CORO2B: variants seen among roughly 807,000 people sequenced by gnomAD.
CORO2B encodes coronin 2B.
Under a neutral mutation model 58.8 loss-of-function variants are expected in CORO2B, and 26 were observed. That is an observed-to-expected ratio of 0.44 (90% CI 0.32 to 0.61). The LOEUF is 0.61. CORO2B is among the 20% of genes least tolerant of loss of function. CORO2B has a pLI of 0.04. For synonymous variants in CORO2B, 242 were observed against 253.8 expected (o/e 0.95, Z 0.44); for missense variants, 460 against 645.1 (o/e 0.71, Z 3.11).
intron 2 of CORO2B, among the ~76,000 whole-genome samples, chr15:68,661,392 T>C (rs1442886378): frequency 6.6e-6 from 1 of 152,208 alleles, no homozygotes; most frequent in African/African-American, 2.4e-5. Context: ...TGGCCAGAGA[T>C]ATTGTCCAAT....
At chr15:68,723,908 C>T (rs550973508) in intron 11 of CORO2B, among the ~76,000 whole-genome samples, 34 of 152,102 alleles carry the variant, frequency 2.2e-4, no homozygotes, top group African/African-American at 7.0e-4. Flanking sequence ...GACTCTATCC[C>T]TAAAAAATAA....
chr15:68,557,138 T>C, the CORO2B span, among the ~76,000 whole-genome samples: 1 of 152,164 alleles, frequency 6.6e-6, no homozygotes, highest in Non-Finnish European at 1.5e-5. Flanking sequence ...CAGGAGGCCA[T>C]GGGAATACAC....
Position 68,710,682 on chromosome 15 carries a change from G to A in CORO2B, c.334-50G>A. The A allele has an allele frequency of 6.6e-7, 1 of 1,504,440 alleles. No homozygotes were observed. Among genetic ancestry groups the A allele is most frequent in the South Asian group, 1.4e-5 (1 of 73,934 alleles). 93.2% of individuals were successfully genotyped at this position (1,504,440 alleles called of 1,614,324 possible). On this transcript the variant is annotated intron_variant, in intron 3 of 11. Coordinates refer to ENST00000261861, the MANE Select transcript of CORO2B (RefSeq NM_006091.5). The surrounding 1 kb of genome is among the most constrained non-coding windows in gnomAD (Gnocchi z 4.1). ...GAGGAAAGGGGCACCTCTCATCAAG[G>A]GACTTCTTGGCCGTGTCCACCCAGC...
Position 68,645,271 on chromosome 15 carries a change from A to C in CORO2B, c.127A>C (p.Asn43His), listed in dbSNP as rs763171277. Residue 43 changes from asparagine (N) to histidine (H), a missense_variant, in exon 2 of 12, where the codon AAC becomes CAC. By Grantham distance (68) the Asn-to-His change is moderately conservative. Transcript: ENST00000261861. This position sits in a 1 kb window ranked among gnomAD's most constrained non-coding sequence, Gnocchi z 4.5. ...CCCCATCACCAAGAATGTGCACGAC[A>C]ACCACTTCTGTGCCGTCAACACCCG... ...GIPITKNVHD[N>H]HFCAVNTRFL... 6.2e-7 allele frequency: 1 copy of C among 1,614,094 alleles called. No individual in the cohort carries two copies. The highest frequency in any genetic ancestry group is 8.5e-7 in the Non-Finnish European group (1 of 1,179,998).
chr15:68,630,148 A>G (rs1478847760), intron 1 of CORO2B, among the ~76,000 whole-genome samples: 3 of 152,192 alleles, frequency 2.0e-5, no homozygotes, highest in Non-Finnish European at 2.9e-5. Flanking sequence ...CTTCTGTAGC[A>G]ATGACAGCAT....
intron 3 of CORO2B, among the ~76,000 whole-genome samples, chr15:68,708,525 T>C (rs1892837213): frequency 6.6e-6 from 1 of 151,832 alleles, no homozygotes; most frequent in South Asian, 2.1e-4. Context: ...TACGCCTGGC[T>C]AATTTTTTTG....
At chr15:68,580,678 G>A (rs1899405994) in intron 1 of CORO2B, among the ~76,000 whole-genome samples, 1 of 152,134 alleles carries the variant, frequency 6.6e-6, no homozygotes, top group Admixed American at 6.5e-5. Flanking sequence ...TTGAAATGAT[G>A]CAAATGCTAT....
chr15:68,717,311 C>CAAAA (rs78726358), intron 8 of CORO2B, among the ~76,000 whole-genome samples: 2 of 112,628 alleles, frequency 1.8e-5, no homozygotes, highest in African/African-American at 6.3e-5. Flanking sequence ...CAGACTCTGT[C>CAAAA]AAAAAAAAAA....
rs942055851 is a variant in CORO2B, at chr15:68,590,974, A to T, written c.15+11697A>T. Among the ~76,000 whole-genome samples the T allele has an allele frequency of 1.7e-4, 26 of 152,242 alleles. No individual in the cohort carries two copies. In the South Asian group the frequency reaches 2.3e-3, roughly 13 times the overall value. ...ATAAAACGAGGACTGAGATTTATTTAAAAAAAATTTGCTGAGCCCTGTGTG... is the reference window on the plus strand; with the variant it reads ...ATAAAACGAGGACTGAGATTTATTTTAAAAAAATTTGCTGAGCCCTGTGTG... On this transcript the variant is annotated intron_variant, in intron 1 of 11. Transcript: ENST00000261861.
At position 68,714,673 on chromosome 15, in the gene CORO2B, G is replaced by A. The variant is rs1383227350; in HGVS notation, c.870+10G>A. ...CTACCTGGCTGGAAAGGTAGTAGGA[G>A]GTGGGGGAGGGCCCGGGGCAGCCTG... is the stretch of plus-strand genomic sequence containing the variant. On this transcript the variant is annotated intron_variant, in intron 7 of 11. Coordinates refer to ENST00000261861, the MANE Select transcript of CORO2B (RefSeq NM_006091.5). The A allele has an allele frequency of 2.5e-6, 4 of 1,606,124 alleles. No individual in the cohort carries two copies. In the South Asian group the frequency reaches 4.4e-5, roughly 18 times the overall value.
Position 68,725,931 on chromosome 15 carries a change from A to C in CORO2B, c.1400A>C (p.Gln467Pro), listed in dbSNP as rs1003732450. 6.2e-7 allele frequency: 1 copy of C among 1,614,098 alleles called. No homozygotes were observed. The highest frequency in any genetic ancestry group is 8.5e-7 in the Non-Finnish European group (1 of 1,180,032). ...AQKDIRIRQL[Q>P]LELKNLRNSP... is the part of the protein sequence containing the mutation. ...AAGGACATCCGCATTCGGCAGCTCC[A>C]GCTGGAACTGAAAAACTTGCGCAAC... The change falls in exon 12 of 12, where the codon CAG becomes CCG. Residue 467 changes from glutamine (Q) to proline (P), a missense_variant. Physicochemically the swap from Gln to Pro is moderately conservative, Grantham distance 76. Transcript: ENST00000261861.
At chr15:68,648,896 A>G (rs1238027440) in intron 2 of CORO2B, among the ~76,000 whole-genome samples, 2 of 152,242 alleles carry the variant, frequency 1.3e-5, no homozygotes, top group Non-Finnish European at 2.9e-5. Flanking sequence ...TGACCTAGCA[A>G]TTCCACTCTA....
chr15:68,697,673 C>A (rs1892546493), intron 3 of CORO2B, among the ~76,000 whole-genome samples: 1 of 152,184 alleles, frequency 6.6e-6, no homozygotes, highest in South Asian at 2.1e-4. Context: ...AGCCCAGAAC[C>A]AAATTAGGGA....
intron 1 of CORO2B, among the ~76,000 whole-genome samples, chr15:68,609,558 G>A (rs577645442): frequency 1.3e-4 from 20 of 152,258 alleles, no homozygotes; most frequent in South Asian, 4.1e-4. Flanking sequence ...CTTCCCTCCC[G>A]AATCCACATC....
intron 1 of CORO2B, among the ~76,000 whole-genome samples, chr15:68,585,293 A>C (rs1216491632): frequency 1.3e-5 from 2 of 152,230 alleles, no homozygotes; most frequent in Non-Finnish European, 2.9e-5. Context: ...ATGCACGCCC[A>C]GATCTTCTGG....
rs568838722 is a variant in CORO2B, at chr15:68,718,729, A to G, written c.999A>G (p.Ser333=). 6.2e-7 allele frequency: 1 copy of G among 1,614,178 alleles called. No homozygotes were observed. Among genetic ancestry groups the G allele is most frequent in the East Asian group, 2.2e-5 (1 of 44,878 alleles). Residue 333 remains serine, a synonymous_variant, in exon 9 of 12, where the codon TCA becomes TCG. Coordinates refer to ENST00000261861, the MANE Select transcript of CORO2B (RefSeq NM_006091.5). ...TGCCCAAGCACGGGCTGGATGTGTC[A>G]GCCTGCGAGGTGTTCCGCTTCTACA... ...GVMPKHGLDV[S]ACEVFRFYKL...
At chr15:68,619,545 C>T (rs1566986951) in intron 1 of CORO2B, among the ~76,000 whole-genome samples, 2 of 152,062 alleles carry the variant, frequency 1.3e-5, no homozygotes, top group Non-Finnish European at 2.9e-5. Context: ...GGAAATGTTC[C>T]AAATGGCTCT....
intron 1 of CORO2B, among the ~76,000 whole-genome samples, chr15:68,595,884 G>C (rs779343515): frequency 6.6e-6 from 1 of 152,210 alleles, no homozygotes. Context: ...CGGAGCGGGC[G>C]TCTGGGAGGA....
the CORO2B span, among the ~76,000 whole-genome samples, chr15:68,564,886 C>A: frequency 6.6e-6 from 1 of 152,140 alleles, no homozygotes; most frequent in East Asian, 1.9e-4. Context: ...TTTTTGGCTA[C>A]AGAAACATGT....
Sources: allele counts gnomAD v4.1 joint callset (sites outside exome capture counted in the v4.1 genomes callset), GRCh38; gene constraint gnomAD v4.1.1; non-coding constraint Gnocchi (gnomAD v3.1); transcripts MANE v1.5; gene names NCBI Gene and HGNC (gene_info 2026-07-23, HGNC 2026-07-21).